BCAS3: variants seen among roughly 807,000 people sequenced by gnomAD.
BCAS3 encodes the protein BCAS3 microtubule associated cell migration factor, also known as BCAS4/BCAS3 fusion.
A neutral mutation model predicts 116.1 loss-of-function variants in BCAS3; 53 were observed. The observed-to-expected ratio is 0.46, with a 90% CI of 0.37 to 0.57. BCAS3 has a LOEUF of 0.57. Among genes scored for constraint, BCAS3 ranks in the 20% least tolerant of loss-of-function variants. The pLI is 0.00. For missense variants in BCAS3, 917 were observed against 1,165.4 expected (o/e 0.79, Z 3.10); for synonymous variants, 391 against 408.2 (o/e 0.96, Z 0.51).
rs1254388809 is a variant in BCAS3 at position 61,032,402 on chromosome 17, C to T, written c.1638-2264C>T. 2.0e-5 allele frequency among the ~76,000 whole-genome samples: 3 copies of T among 152,076 alleles called. No homozygotes were observed. Among genetic ancestry groups the T allele is most frequent in the East Asian group, 1.9e-4 (1 of 5,192 alleles). ...AATTCTACAATACTTTTCTCTTTCC[C>T]GTTCCCCCAGCCACCATCTTCCCAA... is the stretch of plus-strand genomic sequence containing the variant. On this transcript the variant is annotated intron_variant, in intron 16 of 23. Coordinates refer to ENST00000407086, the MANE Select transcript of BCAS3 (RefSeq NM_017679.5). The surrounding 1 kb of genome is among the most constrained non-coding windows in gnomAD (Gnocchi z 4.6).
At chr17:60,748,280 G>A (rs796195797) in intron 6 of BCAS3, among the ~76,000 whole-genome samples, 10 of 152,298 alleles carry the variant, frequency 6.6e-5, no homozygotes, top group African/African-American at 2.4e-4. Flanking sequence ...AATGAAATGA[G>A]GAGGGTGGAG....
At chr17:61,322,781 T>TGAGAGAGGAGACAGAGAGAGA (rs2055324959) in intron 22 of BCAS3, among the ~76,000 whole-genome samples, 1 of 121,210 alleles carries the variant, frequency 8.3e-6, no homozygotes, top group Non-Finnish European at 1.7e-5. Flanking sequence ...AAGCCTCTCT[T>TGAGAGAGGAGACAGAGAGAGA]GAGAGAGAGA....
At chr17:61,306,858 A>G (rs946434943) in intron 22 of BCAS3, among the ~76,000 whole-genome samples, 1 of 152,234 alleles carries the variant, frequency 6.6e-6, no homozygotes, top group Non-Finnish European at 1.5e-5. Context: ...TAGAGGTACT[A>G]TTACCTTTGG....
intron 6 of BCAS3, among the ~76,000 whole-genome samples, chr17:60,805,565 C>T (rs773281481): frequency 3.9e-5 from 6 of 152,254 alleles, no homozygotes; most frequent in East Asian, 1.9e-4. Flanking sequence ...CGGTGGCTCA[C>T]GCCTGTAATC....
At chr17:60,941,092 C>T (rs1251936262) in intron 13 of BCAS3, among the ~76,000 whole-genome samples, 1 of 152,218 alleles carries the variant, frequency 6.6e-6, no homozygotes, top group Non-Finnish European at 1.5e-5. Flanking sequence ...TGAATCCCCA[C>T]CCTCTAACGC....
chr17:61,223,151 CTTTTTTT>C (rs34499099), intron 22 of BCAS3, among the ~76,000 whole-genome samples: 1 of 79,064 alleles, frequency 1.3e-5, no homozygotes, highest in Non-Finnish European at 2.2e-5. Context: ...GATGCAGCGC[CTTTTTTT>C]TTTTTTTTTT....
chr17:60,971,464 TAACCCTGAATTAAAGCTGGGGTG>T (rs2061956810), intron 14 of BCAS3, among the ~76,000 whole-genome samples: 1 of 152,218 alleles, frequency 6.6e-6, no homozygotes, highest in Admixed American at 6.5e-5. Context: ...AGTTTTTACC[TAACCCTGAATTAAAGCTGGGGTG>T]ATGGCTTTGC....
intron 4 of BCAS3, among the ~76,000 whole-genome samples, chr17:60,704,545 A>G (rs888259519): frequency 3.3e-5 from 5 of 152,126 alleles, no homozygotes; most frequent in Admixed American, 2.0e-4. Context: ...ACTGCCTTTT[A>G]AAGTTTTTTT....
rs2047810048 is a variant in BCAS3, at chr17:61,244,867, A to AAAT, written c.2426-123458_2426-123457insTAA. The stretch of plus-strand genomic sequence containing the variant: ...AACAGAGTGAGACTCCGTCTCAAAA[A>AAAT]AAATAAATAAATAAAAAAGGATATA... On this transcript the variant is annotated intron_variant, in intron 22 of 23. Transcript: ENST00000407086. This position sits in a 1 kb window ranked among gnomAD's most constrained non-coding sequence, Gnocchi z 4.9. Among the ~76,000 whole-genome samples, 1 of 152,176 alleles carries AAAT rather than the reference A, an allele frequency of 6.6e-6. No homozygotes were observed. The highest frequency in any genetic ancestry group is 2.4e-5 in the African/African-American group (1 of 41,432).
intron 14 of BCAS3, among the ~76,000 whole-genome samples, chr17:60,951,082 G>C (rs1049939389): frequency 2.0e-5 from 3 of 152,056 alleles, no homozygotes; most frequent in African/African-American, 7.2e-5. Context: ...ATTTGTCATT[G>C]CTGTGGTATG....
At chr17:61,035,003 A>G (rs944440091) in intron 17 of BCAS3, among the ~76,000 whole-genome samples, 1 of 152,096 alleles carries the variant, frequency 6.6e-6, no homozygotes, top group Non-Finnish European at 1.5e-5. Context: ...CCACTGAGTG[A>G]TTTTGTTTTG....
In BCAS3 at chr17:61,235,091, T is replaced by A. The variant is rs2082931995; in HGVS notation, c.2426-133236T>A. Reference sequence around the variant, plus strand: ...TAGTAGAGACAGGGTTTCACCACATTGGCCGGGCTGGTCTCAAACTCCTGA... The same window carrying A: ...TAGTAGAGACAGGGTTTCACCACATAGGCCGGGCTGGTCTCAAACTCCTGA... On this transcript the variant is annotated intron_variant, in intron 22 of 23. Transcript: ENST00000407086. The surrounding 1 kb of genome is among the most constrained non-coding windows in gnomAD (Gnocchi z 5.0). Among the ~76,000 whole-genome samples, 1 of 152,150 alleles carries A rather than the reference T, an allele frequency of 6.6e-6. No individual in the cohort carries two copies. Among genetic ancestry groups the A allele is most frequent in the Non-Finnish European group, 1.5e-5 (1 of 68,026 alleles).
In BCAS3 at chr17:60,727,208, G is replaced by T. The variant is rs952345546; in HGVS notation, c.321+17883G>T. The stretch of plus-strand genomic sequence containing the variant: ...GCCCTTTCTCTTCTTATCTCCTCCC[G>T]GTTCAAAATGCTTACATCTCTGAAT... On this transcript the variant is annotated intron_variant, in intron 5 of 23. Coordinates refer to ENST00000407086, the MANE Select transcript of BCAS3 (RefSeq NM_017679.5). The T allele has an allele frequency of 3.3e-6, 3 of 920,518 alleles. No individual in the cohort carries two copies. In the East Asian group the frequency reaches 7.7e-5, roughly 24 times the overall value. 57.0% of individuals were successfully genotyped at this position (920,518 alleles called of 1,614,324 possible). A position where few individuals can be genotyped will look rare whatever the true frequency, so the allele number is the denominator to read the frequency against.
Position 61,363,727 on chromosome 17 carries a change from G to A in BCAS3, c.2426-4600G>A, listed in dbSNP as rs951075250. ...AAAAGATGTCTGTTGCCAAGAGTGT[G>A]TATTTTGTCCTTTGCAAACAGCCTG... On this transcript the variant is annotated intron_variant, in intron 22 of 23. Coordinates refer to ENST00000407086, the MANE Select transcript of BCAS3 (RefSeq NM_017679.5). The surrounding 1 kb of genome is among the most constrained non-coding windows in gnomAD (Gnocchi z 4.9). Among the ~76,000 whole-genome samples the A allele has an allele frequency of 1.3e-5, 2 of 152,182 alleles. No individual in the cohort carries two copies. Among genetic ancestry groups the A allele is most frequent in the African/African-American group, 4.8e-5 (2 of 41,450 alleles).
At position 61,037,814 on chromosome 17, in the gene BCAS3, C is replaced by A; in HGVS notation, c.1763-75C>A. ...AGCCTCAGGAGCAGACTAATAAGATCATTAACTTGTAAAAATTATTCTGTG... is the reference window on the plus strand; with the variant it reads ...AGCCTCAGGAGCAGACTAATAAGATAATTAACTTGTAAAAATTATTCTGTG... On this transcript the variant is annotated intron_variant, in intron 17 of 23. Transcript: ENST00000407086. This position sits in a 1 kb window ranked among gnomAD's most constrained non-coding sequence, Gnocchi z 4.7. 1.5e-6 allele frequency: 2 copies of A among 1,352,228 alleles called. No homozygotes were observed. Among genetic ancestry groups the A allele is most frequent in the Non-Finnish European group, 2.0e-6 (2 of 977,644 alleles). The allele number at this position is 1,352,228 out of a possible 1,614,324, so 83.8% of individuals were successfully genotyped here.
rs2049042097 is a variant in BCAS3, at chr17:61,259,687, G to A, written c.2426-108640G>A. 6.6e-6 allele frequency among the ~76,000 whole-genome samples: 1 copy of A among 152,122 alleles called. No individual in the cohort carries two copies. The highest frequency in any genetic ancestry group is 1.5e-5 in the Non-Finnish European group (1 of 68,028). On this transcript the variant is annotated intron_variant, in intron 22 of 23. Coordinates refer to ENST00000407086, the MANE Select transcript of BCAS3 (RefSeq NM_017679.5). The surrounding 1 kb of genome is among the most constrained non-coding windows in gnomAD (Gnocchi z 4.7). The stretch of plus-strand genomic sequence containing the variant: ...AGAAGAGGCTCATGTTCTGGTTCCA[G>A]GGCACCAGCCTTAGAGTGGGCAGTC...
intron 7 of BCAS3, among the ~76,000 whole-genome samples, chr17:60,859,125 C>T (rs2053935929): frequency 6.6e-6 from 1 of 151,964 alleles, no homozygotes; most frequent in Admixed American, 6.6e-5. Context: ...AACATTGATA[C>T]AGAAAATAAA....
rs1471976513 is a variant in BCAS3, at chr17:61,019,921, C to A, written c.1637+4020C>A. ...TTTCCTAGTATTTTTAAAATAAAAT[C>A]AACAAGAAGTATTTGACATGGATTA... is the stretch of plus-strand genomic sequence containing the variant. On this transcript the variant is annotated intron_variant, in intron 16 of 23. Transcript: ENST00000407086. This position sits in a 1 kb window ranked among gnomAD's most constrained non-coding sequence, Gnocchi z 5.6. 6.6e-6 allele frequency among the ~76,000 whole-genome samples: 1 copy of A among 152,054 alleles called. No homozygotes were observed. Among genetic ancestry groups the A allele is most frequent in the Non-Finnish European group, 1.5e-5 (1 of 68,008 alleles).
chr17:61,165,151 C>T (rs770440564), intron 22 of BCAS3, among the ~76,000 whole-genome samples: 16 of 152,116 alleles, frequency 1.1e-4, no homozygotes, highest in Non-Finnish European at 2.2e-4. Context: ...TAATAATTTC[C>T]CTAATTATCT....
Sources: allele counts gnomAD v4.1 joint callset (sites outside exome capture counted in the v4.1 genomes callset), GRCh38; gene constraint gnomAD v4.1.1; non-coding constraint Gnocchi (gnomAD v3.1); transcripts MANE v1.5; gene names NCBI Gene and HGNC (gene_info 2026-07-23, HGNC 2026-07-21).